Variants in MCMBP observed in about 807,000 individuals in gnomAD.
MCMBP encodes mini-chromosome maintenance complex-binding protein.
A neutral mutation model predicts 81.3 loss-of-function variants in MCMBP; 31 were observed. The observed-to-expected ratio is 0.38, with a 90% confidence interval of 0.29 to 0.51. The LOEUF (loss-of-function observed/expected upper bound fraction) is 0.51. MCMBP is among the 20% of genes least tolerant of loss of function. The pLI, the probability that MCMBP is intolerant of heterozygous loss-of-function variation, is 0.87. For synonymous variants in MCMBP, 267 were observed against 275.9 expected (o/e 0.97, Z 0.32); for missense variants, 645 against 772.1 (o/e 0.84, Z 1.95).
chr10:119,857,937 G>A (rs1226443310), intron 4 of MCMBP: 2 of 152,322 alleles, frequency 1.3e-5, no homozygotes, highest in Middle Eastern at 3.4e-3. Context: ...AAACAAAAAT[G>A]TAACTTCTGA....
At chr10:119,866,395 G>C (rs1853455078) in intron 1 of MCMBP, among the ~76,000 whole-genome samples, 1 of 152,332 alleles carries the variant, frequency 6.6e-6, no homozygotes, top group African/African-American at 2.4e-5. Flanking sequence ...GGAGGCCGAG[G>C]CGTGTGGATC....
In MCMBP at chr10:119,830,371, TGG is replaced by T. The variant is rs1250266649; in HGVS notation, c.*1101_*1102del. 6.6e-6 allele frequency: 1 copy of T among 152,258 alleles called. No homozygotes were observed. Among genetic ancestry groups the T allele is most frequent in the African/African-American group, 2.4e-5 (1 of 41,470 alleles). The allele number at this position is 152,258 out of a possible 1,614,324, so 9.4% of individuals were successfully genotyped here. A position where few individuals can be genotyped will look rare whatever the true frequency, so the allele number is the denominator to read the frequency against. ...GTTAGTTTGCTCTATTAAAACTAAT[TGG>T]TCTGGAGAAAACCTACCTGCAGTTG... On this transcript the variant is annotated 3_prime_UTR_variant, in exon 16 of 16. Transcript: ENST00000369077.
At chr10:119,834,652 GCACACACACAAACA>G (rs2134336475) in intron 14 of MCMBP, among the ~76,000 whole-genome samples, 1 of 151,424 alleles carries the variant, frequency 6.6e-6, no homozygotes, top group South Asian at 2.1e-4. Flanking sequence ...TCCCCTATCT[GCACACACACAAACA>G]CACACACACA....
chr10:119,846,130 C>T (rs1018250289), intron 8 of MCMBP, among the ~76,000 whole-genome samples: 1 of 152,140 alleles, frequency 6.6e-6, no homozygotes, highest in Admixed American at 6.5e-5. Flanking sequence ...ATCTTCAAAG[C>T]ATACGATGAA....
chr10:119,840,201 T>C (rs536889290), intron 11 of MCMBP, among the ~76,000 whole-genome samples: 19 of 152,350 alleles, frequency 1.2e-4, no homozygotes, highest in African/African-American at 3.6e-4. Flanking sequence ...CTAAGGAGAC[T>C]GAGAACTGCT....
intron 1 of MCMBP, among the ~76,000 whole-genome samples, chr10:119,861,867 C>T (rs35000882): frequency 2.0e-5 from 3 of 151,866 alleles, no homozygotes; most frequent in African/African-American, 7.3e-5. Context: ...CAGTCTCCTG[C>T]GTAGCTGGGA....
chr10:119,868,624 T>C (rs1214975130), intron 1 of MCMBP, among the ~76,000 whole-genome samples: 1 of 152,028 alleles, frequency 6.6e-6, no homozygotes, highest in Non-Finnish European at 1.5e-5. Context: ...ATTCGCGGGG[T>C]CAAAATCCAG....
At position 119,831,620 on chromosome 10, in the gene MCMBP, CAAATTT is replaced by C; in HGVS notation, c.1797-26_1797-21del. On this transcript the variant is annotated intron_variant, in intron 15 of 15. Coordinates refer to ENST00000369077, the MANE Select transcript of MCMBP (RefSeq NM_001256378.2). ...AGACACCTGGTTTGAAACACAGAAA[CAAATTT>C]AAGTCTAGAGCTGGGATAGTAAGTT... The C allele has an allele frequency of 6.2e-7, 1 of 1,607,296 alleles. No individual in the cohort carries two copies. The highest frequency in any genetic ancestry group is 8.5e-7 in the Non-Finnish European group (1 of 1,178,326).
At chr10:119,850,572 AC>A (rs1852774638) in intron 6 of MCMBP, among the ~76,000 whole-genome samples, 1 of 151,462 alleles carries the variant, frequency 6.6e-6, no homozygotes, top group Admixed American at 6.6e-5. Flanking sequence ...ACACGGTGAA[AC>A]CCCGTCTCTA....
At position 119,831,396 on chromosome 10, in the gene MCMBP, A is replaced by C; in HGVS notation, c.*78T>G. ...TGTGATAGAAATTACCTATAAAACAATGTGGTATAAATGAATATCTGAATT... is the reference window on the plus strand; with the variant it reads ...TGTGATAGAAATTACCTATAAAACACTGTGGTATAAATGAATATCTGAATT... On this transcript the variant is annotated 3_prime_UTR_variant, in exon 16 of 16. Coordinates refer to ENST00000369077, the MANE Select transcript of MCMBP (RefSeq NM_001256378.2). 1 of 1,544,508 alleles carries C rather than the reference A, an allele frequency of 6.5e-7. No individual in the cohort carries two copies. Among genetic ancestry groups the C allele is most frequent in the Non-Finnish European group, 8.9e-7 (1 of 1,129,714 alleles).
In MCMBP at chr10:119,840,806, T is replaced by C. The variant is rs755859353; in HGVS notation, c.1242+37A>G. 5.7e-6 allele frequency: 7 copies of C among 1,230,442 alleles called. No individual in the cohort carries two copies. The Admixed American group carries it at 1.7e-4, about 29-fold the overall frequency. 76.2% of individuals were successfully genotyped at this position (1,230,442 alleles called of 1,614,324 possible). A position where few individuals can be genotyped will look rare whatever the true frequency, so the allele number is the denominator to read the frequency against. On this transcript the variant is annotated intron_variant, in intron 11 of 15. Coordinates refer to ENST00000369077, the MANE Select transcript of MCMBP (RefSeq NM_001256378.2). ...GACAGTTAGATGGATTTTTTAAGTG[T>C]GCTTAGGTTTATAATACATATTTAT...
intron 5 of MCMBP, 52 bp downstream of exon 5, chr10:119,857,286 G>C: frequency 7.8e-7 from 1 of 1,278,144 alleles, no homozygotes; most frequent in Non-Finnish European, 1.1e-6. Flanking sequence ...ATAATTAAAG[G>C]CTAAGTTTTT....
chr10:119,865,142 A>C (rs986900223), intron 1 of MCMBP, among the ~76,000 whole-genome samples: 3 of 143,946 alleles, frequency 2.1e-5, no homozygotes, highest in African/African-American at 7.3e-5. Flanking sequence ...CTACAATTGC[A>C]GATTTGCCTA....
chr10:119,844,688 G>C (rs779705971), intron 8 of MCMBP, among the ~76,000 whole-genome samples: 48 of 152,212 alleles, frequency 3.2e-4, no homozygotes, highest in Non-Finnish European at 5.7e-4. Context: ...AGCGGGCTGG[G>C]AGAGGCAGAC....
rs756752757 is a variant in MCMBP, at chr10:119,832,067, T to C, written c.1741A>G (p.Asn581Asp). Residue 581 changes from asparagine (N) to aspartate (D), a missense_variant, in exon 15 of 16, where the codon AAC (asparagine) becomes GAC (aspartate). By Grantham distance (23) the Asn-to-Asp change is conservative. Coordinates refer to ENST00000369077, the MANE Select transcript of MCMBP (RefSeq NM_001256378.2). ...TCAGCAGTGATGCTCTGAGGGTCGTTCTTCCGCATTTCCACAAAGTCATCT... is the reference window on the plus strand; with the variant it reads ...TCAGCAGTGATGCTCTGAGGGTCGTCCTTCCGCATTTCCACAAAGTCATCT... Reference protein sequence around the residue: ...VEDDFVEMRKNDPQSITADDL... With the variant: ...VEDDFVEMRKDDPQSITADDL... The C allele has an allele frequency of 2.5e-6, 4 of 1,613,364 alleles. No individual in the cohort carries two copies. The highest frequency in any genetic ancestry group is 3.4e-6 in the Non-Finnish European group (4 of 1,179,818).
In MCMBP at chr10:119,846,423, A is replaced by G. The variant is rs200364485; in HGVS notation, c.827+1190T>C. On this transcript the variant is annotated intron_variant, in intron 8 of 15. Transcript: ENST00000369077. ...GCGTTAGAAAATTGCCAACAAAGTAATAACTGATTCAAGCAAGAATCATCA... is the reference window on the plus strand; with the variant it reads ...GCGTTAGAAAATTGCCAACAAAGTAGTAACTGATTCAAGCAAGAATCATCA... Among the ~76,000 whole-genome samples, 4 of 152,234 alleles carry G rather than the reference A, an allele frequency of 2.6e-5. No individual in the cohort carries two copies. In the East Asian group the frequency reaches 7.7e-4, roughly 29 times the overall value.
chr10:119,859,692 C>T, intron 2 of MCMBP, 107 bp downstream of exon 2: 1 of 682,532 alleles, frequency 1.5e-6, no homozygotes, highest in South Asian at 2.5e-5. Flanking sequence ...AGCAGAAGTA[C>T]ATTAATTTAC....
chr10:119,831,360 T>C lies in MCMBP; in HGVS notation c.*114A>G. The C allele has an allele frequency of 3.2e-5, 42 of 1,296,648 alleles. No individual in the cohort carries two copies. Among genetic ancestry groups the C allele is most frequent in the Non-Finnish European group, 4.4e-5 (41 of 934,508 alleles). The allele number at this position is 1,296,648 out of a possible 1,614,324, so 80.3% of individuals were successfully genotyped here. A position where few individuals can be genotyped will look rare whatever the true frequency, so the allele number is the denominator to read the frequency against. On this transcript the variant is annotated 3_prime_UTR_variant, in exon 16 of 16. Coordinates refer to ENST00000369077, the MANE Select transcript of MCMBP (RefSeq NM_001256378.2). ...TGTTACCAGGCTTGATTTCAGGAAA[T>C]GTCACTGGTTTGTGATAGAAATTAC...
chr10:119,854,978 T>TC (rs1852976883), intron 5 of MCMBP, among the ~76,000 whole-genome samples: 1 of 149,624 alleles, frequency 6.7e-6, no homozygotes, highest in Non-Finnish European at 1.5e-5. Context: ...AAAAATAAAA[T>TC]AAAATCATAA....
Sources: allele counts gnomAD v4.1 joint callset (sites outside exome capture counted in the v4.1 genomes callset), GRCh38; gene constraint gnomAD v4.1.1; transcripts MANE v1.5; gene names NCBI Gene and HGNC (gene_info 2026-07-23, HGNC 2026-07-21).